The following TM7SF3 variants were observed in gnomAD, a reference collection of about 807,000 sequenced individuals.
TM7SF3 encodes transmembrane 7 superfamily member 3, also known as seven span transmembrane protein.
Under a neutral mutation model 65.5 loss-of-function variants are expected in TM7SF3, and 60 were observed. That is an observed-to-expected ratio of 0.92 (90% CI 0.74 to 1.14). The LOEUF is 1.14. Ranked by LOEUF, TM7SF3 falls within the 50% of genes most tolerant of loss-of-function variation. The pLI is 0.00. For missense variants in TM7SF3, 623 were observed against 684.8 expected, an observed-to-expected ratio of 0.91 and a Z score of 1.01; for synonymous variants, 264 against 259.6, an observed-to-expected ratio of 1.02 and a Z score of -0.16.
intron 9 of TM7SF3, among the ~76,000 whole-genome samples, chr12:26,976,770 T>C (rs1332905929): frequency 6.6e-6 from 1 of 152,174 alleles, no homozygotes; most frequent in Non-Finnish European, 1.5e-5. Flanking sequence ...AAATAAAAAA[T>C]ACAAGTAAAA....
intron 6 of TM7SF3, among the ~76,000 whole-genome samples, chr12:26,985,611 G>T (rs1940014412): frequency 9.5e-6 from 1 of 105,650 alleles, no homozygotes; most frequent in African/African-American, 3.8e-5. Flanking sequence ...GGTGACAAGA[G>T]TGAGACTGTC....
At chr12:27,005,251 C>T (rs951316614) in intron 1 of TM7SF3, among the ~76,000 whole-genome samples, 1 of 152,196 alleles carries the variant, frequency 6.6e-6, no homozygotes, top group Non-Finnish European at 1.5e-5. Flanking sequence ...TATCCTTTCA[C>T]TGTTCACAGC....
intron 6 of TM7SF3, 55 bp downstream of exon 6, chr12:26,990,395 G>A: frequency 7.5e-7 from 1 of 1,335,710 alleles, no homozygotes; most frequent in South Asian, 1.3e-5. Context: ...CTAGACAAAA[G>A]CATTATCTGC....
At chr12:26,976,217 G>T in intron 10 of TM7SF3, 43 bp downstream of exon 10, 1 of 1,404,866 alleles carries the variant, frequency 7.1e-7, no homozygotes, top group Non-Finnish European at 1.0e-6. Context: ...TGAACACACA[G>T]GATAACATAA....
rs747300542 is a variant in TM7SF3, at chr12:27,003,273, T to TGTA, written c.206_208dup (p.Ile69_His70insLeu). On this transcript the variant is annotated inframe_insertion, in exon 2 of 12. Coordinates refer to ENST00000343028, the MANE Select transcript of TM7SF3 (RefSeq NM_016551.3). ...AACAGTTGTATTCTGATACTGTGAG[T>TGTA]GTATTTGGAAAATAAGAAAAGTCAC... 6.2e-7 allele frequency: 1 copy of TGTA among 1,612,994 alleles called. No individual in the cohort carries two copies. The highest frequency in any genetic ancestry group is 2.2e-5 in the East Asian group (1 of 44,852).
At chr12:26,977,578 AC>A (rs1445276794) in intron 9 of TM7SF3, among the ~76,000 whole-genome samples, 2 of 151,376 alleles carry the variant, frequency 1.3e-5, no homozygotes, top group Non-Finnish European at 2.9e-5. Flanking sequence ...ATATGGAGAA[AC>A]CCCATCTCTA....
rs918557557 is a variant in TM7SF3, at chr12:26,971,613, T to C, written c.*2352A>G. 1.3e-5 allele frequency: 2 copies of C among 152,220 alleles called. No homozygotes were observed. Among genetic ancestry groups the C allele is most frequent in the African/African-American group, 4.8e-5 (2 of 41,456 alleles). 9.4% of individuals were successfully genotyped at this position (152,220 alleles called of 1,614,324 possible). ...AAATAGGGATTTATTATAAAAACTA[T>C]ACAAACTTTTTATCACTCACAAATG... On this transcript the variant is annotated 3_prime_UTR_variant, in exon 12 of 12. Coordinates refer to ENST00000343028, the MANE Select transcript of TM7SF3 (RefSeq NM_016551.3).
At position 26,975,592 on chromosome 12, in the gene TM7SF3, A is replaced by G. The variant is rs1253818341; in HGVS notation, c.1354T>C (p.Ser452Pro). 6.2e-7 allele frequency: 1 copy of G among 1,614,164 alleles called. No homozygotes were observed. Among genetic ancestry groups the G allele is most frequent in the Admixed American group, 1.7e-5 (1 of 60,030 alleles). The stretch of plus-strand genomic sequence containing the variant: ...AAAGTGATGTAGGAAAGGCTTGTGG[A>G]CCAGTAACTGTCAATGGCTAAAACC... The part of the protein sequence containing the change: ...SVVLAIDSYW[S>P]TSLSYITLNV... Residue 452 changes from serine to proline, a missense_variant, in exon 11 of 12, where the codon TCC (serine) becomes CCC (proline). Coordinates refer to ENST00000343028, the MANE Select transcript of TM7SF3 (RefSeq NM_016551.3).
chr12:26,999,682 G>A lies in TM7SF3; in HGVS notation c.247-6C>T. On this transcript the variant is annotated splice_region_variant and splice_polypyrimidine_tract_variant and intron_variant, in intron 2 of 11. Transcript: ENST00000343028. ...GAGGAATTGGAAAGGAGAGTCTGCA[G>A]TCCAGAAGAAACATTGTCATGAATA... 1 of 1,613,890 alleles carries A rather than the reference G, an allele frequency of 6.2e-7. No individual in the cohort carries two copies. Among genetic ancestry groups the A allele is most frequent in the Non-Finnish European group, 8.5e-7 (1 of 1,179,904 alleles).
rs1441125138 is a variant in TM7SF3, at chr12:27,014,286, C to T, written c.-118G>A. 2.3e-6 allele frequency: 2 copies of T among 879,800 alleles called. No individual in the cohort carries two copies. The highest frequency in any genetic ancestry group is 3.2e-6 in the Non-Finnish European group (2 of 616,152). 54.5% of individuals were successfully genotyped at this position (879,800 alleles called of 1,614,324 possible). On this transcript the variant is annotated 5_prime_UTR_variant, in exon 1 of 12. Transcript: ENST00000343028. ...GGCGCCCGCATCGGGCGCCATCGCC[C>T]GCCAGGTGCAGACGCTTCGCACCTG...
At chr12:26,990,699 C>G (rs35719635) in intron 5 of TM7SF3, 72 bp from the exon 6 acceptor site, 288 of 1,122,272 alleles carry the variant, frequency 2.6e-4, no homozygotes, top group South Asian at 2.3e-4. Context: ...ATCCCACCTA[C>G]GTGTAATATT....
chr12:26,985,621 C>CAAAAA (rs544145636), intron 6 of TM7SF3, among the ~76,000 whole-genome samples: 2 of 61,064 alleles, frequency 3.3e-5, no homozygotes, highest in Non-Finnish European at 5.7e-5. Context: ...GTGAGACTGT[C>CAAAAA]AAAAAAAAAA....
intron 2 of TM7SF3, among the ~76,000 whole-genome samples, chr12:27,002,788 T>C (rs1940885792): frequency 6.6e-6 from 1 of 152,328 alleles, no homozygotes. Flanking sequence ...ATAATTTTTT[T>C]GTTGTTTGCG....
intron 3 of TM7SF3, among the ~76,000 whole-genome samples, 180 bp downstream of exon 3, chr12:26,999,346 A>T (rs1940733867): frequency 6.6e-6 from 1 of 152,036 alleles, no homozygotes; most frequent in Non-Finnish European, 1.5e-5. Context: ...CAGTGAGCCG[A>T]GATCGCGCCA....
At chr12:27,003,685 T>A (rs897362305) in intron 1 of TM7SF3, among the ~76,000 whole-genome samples, 1 of 152,140 alleles carries the variant, frequency 6.6e-6, no homozygotes, top group Admixed American at 6.5e-5. Flanking sequence ...GTAGCAGCAA[T>A]AACAATGATC....
rs370595724 is a variant in TM7SF3, at chr12:26,973,954, C to T, written c.*11G>A. 19 of 1,612,652 alleles carry T rather than the reference C, an allele frequency of 1.2e-5. No homozygotes were observed. Among genetic ancestry groups the T allele is most frequent in the East Asian group, 2.2e-5 (1 of 44,882 alleles). ...CCAAAGCTGAGGCACACTGACCAAG[C>T]CCCTGGGCATCTACAGAAGCAAAGG... On this transcript the variant is annotated 3_prime_UTR_variant, in exon 12 of 12. Transcript: ENST00000343028.
chr12:26,998,958 C>T (rs10400476), intron 3 of TM7SF3, among the ~76,000 whole-genome samples: 82,009 of 152,056 alleles, frequency 0.54, 22,353 homozygotes, highest in East Asian at 0.8. Flanking sequence ...CTGCTTAGAA[C>T]AACTAAACTG....
At chr12:26,988,906 G>C (rs1251759796) in intron 6 of TM7SF3, among the ~76,000 whole-genome samples, 1 of 151,962 alleles carries the variant, frequency 6.6e-6, no homozygotes, top group African/African-American at 2.4e-5. Context: ...TCAATGTGAA[G>C]ACGATGAAGA....
intron 6 of TM7SF3, among the ~76,000 whole-genome samples, 191 bp downstream of exon 6, chr12:26,990,259 C>T (rs1940290065): frequency 6.6e-6 from 1 of 152,180 alleles, no homozygotes; most frequent in South Asian, 2.1e-4. Flanking sequence ...TGTCTCATCT[C>T]CCTCACTATA....
Sources: gnomAD v4.1 joint callset for allele counts (sites outside exome capture counted in the v4.1 genomes callset) on GRCh38, gnomAD v4.1.1 for gene constraint, MANE v1.5 for transcripts, NCBI Gene and HGNC (gene_info 2026-07-23, HGNC 2026-07-21) for gene names.